The following USP3 variants were observed in gnomAD, a reference collection of about 807,000 sequenced individuals.
USP3 encodes ubiquitin carboxyl-terminal hydrolase 3.
In USP3, 20 loss-of-function variants were observed where a neutral mutation model predicts 72.3. The ratio of observed to expected loss-of-function variants is 0.28; its 90% CI spans 0.19 to 0.40. USP3 has a LOEUF of 0.40. Among genes scored for constraint, USP3 ranks in the 10% least tolerant of loss-of-function variants. The pLI is 1.00. For synonymous variants in USP3, 222 were observed against 225.3 expected (o/e 0.99, Z 0.13); for missense variants, 479 against 633.9 (o/e 0.76, Z 2.62).
At chr15:63,560,012 A>T (rs2066579322) in intron 7 of USP3, 42 bp downstream of exon 7, 2 of 1,548,278 alleles carry the variant, frequency 1.3e-6, no homozygotes, top group Admixed American at 3.7e-5. Flanking sequence ...TGAGTTACAA[A>T]ACAAATTACT....
intron 2 of USP3, among the ~76,000 whole-genome samples, chr15:63,536,119 T>A (rs1029163777): frequency 2.0e-5 from 3 of 152,250 alleles, no homozygotes; most frequent in Admixed American, 2.0e-4. Flanking sequence ...TGGAATGTGT[T>A]ACACAATTTT....
intron 6 of USP3, among the ~76,000 whole-genome samples, chr15:63,558,658 T>C (rs1370580638): frequency 6.6e-6 from 1 of 151,730 alleles, no homozygotes; most frequent in African/African-American, 2.4e-5. Context: ...GCAGATCACC[T>C]AAAGTCAGGA....
chr15:63,511,881 G>A (rs1016181488), intron 1 of USP3, among the ~76,000 whole-genome samples: 8 of 149,914 alleles, frequency 5.3e-5, no homozygotes, highest in Non-Finnish European at 1.5e-5. Flanking sequence ...GTTATTCTAA[G>A]ATTTTCCAAT....
At chr15:63,559,739 A>G (rs2066573414) in intron 6 of USP3, 118 bp from the exon 7 acceptor site, 4 of 767,810 alleles carry the variant, frequency 5.2e-6, no homozygotes, top group South Asian at 2.0e-5. Flanking sequence ...CACTGAGTAC[A>G]GTTTAAATGA....
intron 8 of USP3, among the ~76,000 whole-genome samples, chr15:63,567,471 C>A (rs2066709672): frequency 6.6e-6 from 1 of 152,040 alleles, no homozygotes; most frequent in Non-Finnish European, 1.5e-5. Flanking sequence ...CTCAGCCTCC[C>A]GAGTAGCTGG....
intron 4 of USP3, chr15:63,556,428 C>T (rs903089581): frequency 1.9e-5 from 7 of 359,768 alleles, no homozygotes; most frequent in South Asian, 6.8e-5. Context: ...TGCATCTTCC[C>T]GGCCAGCTTT....
rs2066242507 is a variant in USP3 at position 63,541,367 on chromosome 15, G to T, written c.284+4211G>T. ...TAATGAATCATTTCCTACAGCAGTT[G>T]TGATTAAAAATTTTAAAAAAGGAAA... On this transcript the variant is annotated intron_variant, in intron 3 of 14. Transcript: ENST00000380324. Among the ~76,000 whole-genome samples the T allele has an allele frequency of 3.3e-5, 5 of 152,110 alleles. No homozygotes were observed. The South Asian group carries it at 1.0e-3, about 31-fold the overall frequency.
At chr15:63,552,718 C>T (rs1481122134) in intron 3 of USP3, among the ~76,000 whole-genome samples, 14 of 151,918 alleles carry the variant, frequency 9.2e-5, no homozygotes. Context: ...TTACTTTTCC[C>T]CACCCCTTTC....
intron 3 of USP3, among the ~76,000 whole-genome samples, chr15:63,543,257 C>G (rs749316687): frequency 2.6e-5 from 4 of 151,818 alleles, no homozygotes; most frequent in East Asian, 1.9e-4. Context: ...TGGGACAGAT[C>G]GTGGTTTACA....
chr15:63,570,973 T>G lies in USP3; in HGVS notation c.908+394T>G, dbSNP rs1413373127. ...CTTAAAACATTTTGAATGTGAACTT[T>G]CCTAAAGCTTCATTATGGACTTGAA... On this transcript the variant is annotated intron_variant, in intron 9 of 14. Coordinates refer to ENST00000380324, the MANE Select transcript of USP3 (RefSeq NM_006537.4). This position sits in a 1 kb window ranked among gnomAD's most constrained non-coding sequence, Gnocchi z 4.4. Among the ~76,000 whole-genome samples, 4 of 152,240 alleles carry G rather than the reference T, an allele frequency of 2.6e-5. No homozygotes were observed. Among genetic ancestry groups the G allele is most frequent in the African/African-American group, 9.6e-5 (4 of 41,460 alleles).
At position 63,553,280 on chromosome 15, in the gene USP3, C is replaced by T. The variant is rs369518362; in HGVS notation, c.285-435C>T. ...TCAGATATCCCTACAGGTTAATTAC[C>T]TCTTCCCTGCTTTTCACTTAAATCT... is the stretch of plus-strand genomic sequence containing the variant. On this transcript the variant is annotated intron_variant, in intron 3 of 14. Coordinates refer to ENST00000380324, the MANE Select transcript of USP3 (RefSeq NM_006537.4). The surrounding 1 kb of genome is among the most constrained non-coding windows in gnomAD (Gnocchi z 4.2). The T allele has an allele frequency of 6.5e-6, 1 of 152,938 alleles. No homozygotes were observed. The highest frequency in any genetic ancestry group is 2.1e-4 in the South Asian group (1 of 4,854). 9.5% of individuals were successfully genotyped at this position (152,938 alleles called of 1,614,324 possible). A position where few individuals can be genotyped will look rare whatever the true frequency, so the allele number is the denominator to read the frequency against.
intron 2 of USP3, among the ~76,000 whole-genome samples, chr15:63,533,109 T>C (rs2066102246): frequency 6.6e-6 from 1 of 150,456 alleles, no homozygotes; most frequent in Admixed American, 6.6e-5. Flanking sequence ...CCAGCAATTA[T>C]CAACACATGG....
At chr15:63,536,886 G>C in intron 2 of USP3, 139 bp from the exon 3 acceptor site, 1 of 920,724 alleles carries the variant, frequency 1.1e-6, no homozygotes, top group Non-Finnish European at 1.6e-6. Context: ...TAAGTATTCA[G>C]TATAATAAAT....
Position 63,588,919 on chromosome 15 carries a change from C to CTGCTCCT in USP3, c.1330-23_1330-17dup. ...ATCGAGATACTGATGTCATTGACCA[C>CTGCTCCT]TGCTCCTTCTTCCTTGTTCTGTAGC... On this transcript the variant is annotated intron_variant, in intron 13 of 14. Coordinates refer to ENST00000380324, the MANE Select transcript of USP3 (RefSeq NM_006537.4). This position sits in a 1 kb window ranked among gnomAD's most constrained non-coding sequence, Gnocchi z 4.6. 6.2e-7 allele frequency: 1 copy of CTGCTCCT among 1,614,066 alleles called. No homozygotes were observed. The highest frequency in any genetic ancestry group is 1.3e-5 in the African/African-American group (1 of 75,026).
intron 1 of USP3, among the ~76,000 whole-genome samples, chr15:63,524,801 G>A (rs1487193776): frequency 1.3e-5 from 2 of 152,172 alleles, no homozygotes; most frequent in African/African-American, 4.8e-5. Context: ...TAGCAAGAGG[G>A]AGCTGTGGAT....
chr15:63,566,071 A>T (rs1331496234), intron 8 of USP3, among the ~76,000 whole-genome samples: 1 of 152,152 alleles, frequency 6.6e-6, no homozygotes, highest in African/African-American at 2.4e-5. Context: ...CTCTTCAGGA[A>T]AGTCTCTTGA....
intron 3 of USP3, among the ~76,000 whole-genome samples, chr15:63,538,606 G>GT (rs2066195412): frequency 2.0e-5 from 3 of 150,904 alleles, no homozygotes; most frequent in Non-Finnish European, 4.4e-5. Flanking sequence ...GAGTGCAGTG[G>GT]CCGATCTCCG....
At chr15:63,506,941 T>C (rs1221301084) in intron 1 of USP3, among the ~76,000 whole-genome samples, 1 of 152,196 alleles carries the variant, frequency 6.6e-6, no homozygotes, top group Non-Finnish European at 1.5e-5. Flanking sequence ...CATCCATTTG[T>C]TGATATAATC....
Position 63,528,910 on chromosome 15 carries a change from T to C in USP3, c.92-3737T>C, listed in dbSNP as rs1444973291. The C allele has an allele frequency of 1.2e-6, 1 of 861,266 alleles. No homozygotes were observed. The highest frequency in any genetic ancestry group is 1.6e-6 in the Non-Finnish European group (1 of 635,556). The allele number at this position is 861,266 out of a possible 1,614,324, so 53.4% of individuals were successfully genotyped here. The stretch of plus-strand genomic sequence containing the variant: ...TTGTCCTGGGTACATTAAAGGTTCT[T>C]AATTTGGATGAAGCATGTATAAACA... On this transcript the variant is annotated intron_variant, in intron 1 of 14. Coordinates refer to ENST00000380324, the MANE Select transcript of USP3 (RefSeq NM_006537.4). The surrounding 1 kb of genome is among the most constrained non-coding windows in gnomAD (Gnocchi z 4.3).
Sources: allele counts gnomAD v4.1 joint callset (sites outside exome capture counted in the v4.1 genomes callset), GRCh38; gene constraint gnomAD v4.1.1; non-coding constraint Gnocchi (gnomAD v3.1); transcripts MANE v1.5; gene names NCBI Gene and HGNC (gene_info 2026-07-23, HGNC 2026-07-21).